CFAP299: variants seen among roughly 807,000 people sequenced by gnomAD.
CFAP299 encodes the protein cilia and flagella associated protein 299, also known as cilia- and flagella-associated protein 299.
Under a neutral mutation model 27.0 loss-of-function variants are expected in CFAP299, and 21 were observed. The ratio of observed to expected loss-of-function variants is 0.78; its 90% confidence interval spans 0.55 to 1.12. The LOEUF is 1.12. CFAP299 is among the 50% of genes most tolerant of loss of function. The probability of loss-of-function intolerance (pLI) is 0.00; values close to 1 mark genes in which losing one functional copy is unlikely to be tolerated. For synonymous variants in CFAP299, 104 were observed against 98.1 expected (o/e 1.06, Z -0.36); for missense variants, 310 against 276.6 (o/e 1.12, Z -0.86).
chr4:80,542,086 G>A (rs934432019), intron 2 of CFAP299, among the ~76,000 whole-genome samples: 1 of 152,100 alleles, frequency 6.6e-6, no homozygotes, highest in African/African-American at 2.4e-5. Flanking sequence ...CGCATGCTTG[G>A]CTTTTTCTTT....
At chr4:80,360,104 A>G (rs1259733524) in intron 1 of CFAP299, among the ~76,000 whole-genome samples, 1 of 152,178 alleles carries the variant, frequency 6.6e-6, no homozygotes, top group East Asian at 1.9e-4. Flanking sequence ...CCAGTGCTTA[A>G]CTGCCAACTC....
intron 3 of CFAP299, among the ~76,000 whole-genome samples, chr4:80,666,459 A>T (rs1741144737): frequency 6.6e-6 from 1 of 152,104 alleles, no homozygotes; most frequent in African/African-American, 2.4e-5. Context: ...TAGCTTGTCC[A>T]TCCCAACCTG....
chr4:80,839,204 T>C (rs1306027422), intron 3 of CFAP299, among the ~76,000 whole-genome samples: 1 of 152,164 alleles, frequency 6.6e-6, no homozygotes, highest in African/African-American at 2.4e-5. Flanking sequence ...GTTCTTCCCA[T>C]TGTAGATATT....
chr4:80,353,991 T>G (rs1723135927), intron 1 of CFAP299, among the ~76,000 whole-genome samples: 3 of 152,170 alleles, frequency 2.0e-5, no homozygotes, highest in Admixed American at 2.0e-4. Context: ...TATTAAGAGT[T>G]TCAGGAAAAC....
At chr4:80,385,438 ATTTCT>A (rs1338285141) in intron 2 of CFAP299, among the ~76,000 whole-genome samples, 1 of 151,496 alleles carries the variant, frequency 6.6e-6, no homozygotes, top group Admixed American at 6.6e-5. Context: ...CATATACTAT[ATTTCT>A]TTTCTTTTTT....
chr4:80,710,943 G>A (rs1722126733), intron 3 of CFAP299, among the ~76,000 whole-genome samples: 1 of 152,106 alleles, frequency 6.6e-6, no homozygotes, highest in African/African-American at 2.4e-5. Flanking sequence ...ATGGGCCCAG[G>A]TAAACCTCCA....
chr4:80,685,689 C>T (rs1421562292), intron 3 of CFAP299, among the ~76,000 whole-genome samples: 1 of 149,950 alleles, frequency 6.7e-6, no homozygotes. Flanking sequence ...AATTAAGGTG[C>T]CTGTGCTCTG....
At chr4:80,804,423 G>A (rs1728762080) in intron 3 of CFAP299, among the ~76,000 whole-genome samples, 1 of 151,998 alleles carries the variant, frequency 6.6e-6, no homozygotes, top group Admixed American at 6.6e-5. Flanking sequence ...ATATCCTCAA[G>A]GTGCATTAAT....
intron 2 of CFAP299, among the ~76,000 whole-genome samples, chr4:80,370,516 C>A (rs1366855266): frequency 6.6e-6 from 1 of 152,194 alleles, no homozygotes; most frequent in African/African-American, 2.4e-5. Context: ...AAATCAAAAA[C>A]AAGTTAGTTA....
intron 2 of CFAP299, among the ~76,000 whole-genome samples, chr4:80,577,630 T>C (rs1050924629): frequency 7.9e-5 from 12 of 152,110 alleles, no homozygotes; most frequent in Admixed American, 2.0e-4. Flanking sequence ...CTCCATCTAT[T>C]GACCTTGTGA....
intron 2 of CFAP299, among the ~76,000 whole-genome samples, chr4:80,532,051 C>T (rs930195174): frequency 4.6e-5 from 7 of 152,070 alleles, no homozygotes; most frequent in South Asian, 2.1e-4. Flanking sequence ...CCACTCCGCC[C>T]GGCCTAAGAC....
intron 2 of CFAP299, among the ~76,000 whole-genome samples, chr4:80,554,004 T>C (rs1424988482): frequency 1.3e-5 from 2 of 152,124 alleles, no homozygotes; most frequent in African/African-American, 4.8e-5. Flanking sequence ...AATTTCATCC[T>C]ATTTGTCAAT....
chr4:80,823,517 A>C (rs1038405001), intron 3 of CFAP299, among the ~76,000 whole-genome samples: 2 of 152,138 alleles, frequency 1.3e-5, no homozygotes, highest in Non-Finnish European at 2.9e-5. Context: ...TTTCATATTC[A>C]TCTGTATACT....
intron 4 of CFAP299, among the ~76,000 whole-genome samples, chr4:80,879,996 A>G (rs1459750710): frequency 6.6e-6 from 1 of 152,178 alleles, no homozygotes; most frequent in East Asian, 1.9e-4. Flanking sequence ...TTGGGATTCT[A>G]TTGTTTAAAT....
intron 4 of CFAP299, among the ~76,000 whole-genome samples, chr4:80,930,730 T>A (rs75810630): frequency 0.034 from 5,177 of 152,244 alleles, 201 homozygotes; most frequent in African/African-American, 0.096. Context: ...TCCACTGATA[T>A]TGACTTGCTG....
intron 3 of CFAP299, among the ~76,000 whole-genome samples, chr4:80,702,010 T>C (rs1253615403): frequency 1.3e-5 from 2 of 151,888 alleles, no homozygotes; most frequent in Non-Finnish European, 2.9e-5. Context: ...TGTATGTGGT[T>C]GGAATGATAT....
chr4:80,616,692 G>A (rs1012375298), intron 3 of CFAP299, among the ~76,000 whole-genome samples: 1 of 152,000 alleles, frequency 6.6e-6, no homozygotes, highest in African/African-American at 2.4e-5. Context: ...ACTTCTCGGA[G>A]CTGTATGATG....
chr4:80,651,071 T>A (rs1740251766), intron 3 of CFAP299, among the ~76,000 whole-genome samples: 1 of 152,152 alleles, frequency 6.6e-6, no homozygotes, highest in Non-Finnish European at 1.5e-5. Flanking sequence ...TATTAGTGAT[T>A]TGTATATTTT....
chr4:80,920,849 A>G (rs1736006592), intron 4 of CFAP299, among the ~76,000 whole-genome samples: 1 of 152,076 alleles, frequency 6.6e-6, no homozygotes, highest in African/African-American at 2.4e-5. Flanking sequence ...TTATTTTCTA[A>G]AAGCAACTAA....
Sources: gnomAD v4.1 joint callset for allele counts (sites outside exome capture counted in the v4.1 genomes callset) on GRCh38, gnomAD v4.1.1 for gene constraint, MANE v1.5 for transcripts, NCBI Gene and HGNC (gene_info 2026-07-23, HGNC 2026-07-21) for gene names.